Variants in CYB5R3 observed in about 807,000 individuals in gnomAD.
The protein encoded by CYB5R3 is NADH-cytochrome b5 reductase 3.
A neutral mutation model predicts 36.5 loss-of-function variants in CYB5R3; 28 were observed. That is an observed-to-expected ratio of 0.77 (90% CI 0.57 to 1.05). The LOEUF (loss-of-function observed/expected upper bound fraction) is 1.05. Among genes scored for constraint, CYB5R3 ranks in the 50% least tolerant of loss-of-function variants. CYB5R3 has a pLI of 0.00. For synonymous variants in CYB5R3, 181 were observed against 159.8 expected (o/e 1.13, Z -1.00); for missense variants, 474 against 408.9 (o/e 1.16, Z -1.37).
intron 8 of CYB5R3, among the ~76,000 whole-genome samples, chr22:42,622,466 G>C (rs1034184310): frequency 3.9e-5 from 6 of 152,284 alleles, no homozygotes; most frequent in African/African-American, 1.2e-4. Flanking sequence ...CGACCTGGAG[G>C]GGGTGGGCTG....
intron 1 of CYB5R3, chr22:42,644,518 G>T: frequency 7.3e-7 from 1 of 1,378,650 alleles, no homozygotes; most frequent in Non-Finnish European, 1.0e-6. Flanking sequence ...ATTCCTCAGA[G>T]CCTAGCTCAA....
At chr22:42,631,093 G>A in intron 3 of CYB5R3, 105 bp from the exon 4 acceptor site, 1 of 1,099,444 alleles carries the variant, frequency 9.1e-7, no homozygotes, top group South Asian at 1.3e-5. Flanking sequence ...TCAAAGCCTG[G>A]CCTGGCGTCA....
chr22:42,647,078 C>T, intron 1 of CYB5R3: 1 of 666,862 alleles, frequency 1.5e-6, no homozygotes, highest in African/African-American at 2.0e-5. Context: ...GATAAGACAC[C>T]TAGAGCACCA....
intron 1 of CYB5R3, chr22:42,644,661 C>A (rs539490354): frequency 1.0e-6 from 1 of 985,230 alleles, no homozygotes; most frequent in Non-Finnish European, 1.2e-6. Flanking sequence ...TCGACCTCTC[C>A]CTCAGTCACA....
At chr22:42,628,051 C>T (rs1004230406) in intron 5 of CYB5R3, 101 bp downstream of exon 5, 45 of 1,511,674 alleles carry the variant, frequency 3.0e-5, no homozygotes, top group Non-Finnish European at 3.9e-5. Flanking sequence ...GAGAGTCACC[C>T]ATCCACACAG....
At chr22:42,623,723 G>C in intron 8 of CYB5R3, 66 bp downstream of exon 8, 1 of 1,379,930 alleles carries the variant, frequency 7.2e-7, no homozygotes, top group South Asian at 1.2e-5. Context: ...GCCACAAACA[G>C]CTGGGCAAAG....
chr22:42,626,489 CCA>C (rs1928274662), intron 7 of CYB5R3, among the ~76,000 whole-genome samples: 1 of 152,132 alleles, frequency 6.6e-6, no homozygotes, highest in South Asian at 2.1e-4. Flanking sequence ...CTGACGGCCT[CCA>C]CAGACTCTGA....
chr22:42,619,332 C>T lies in CYB5R3; in HGVS notation c.*441G>A, dbSNP rs566229455. 2.5e-5 allele frequency: 5 copies of T among 197,484 alleles called. No homozygotes were observed. Among genetic ancestry groups the T allele is most frequent in the East Asian group, 2.5e-4 (2 of 7,998 alleles). The allele number at this position is 197,484 out of a possible 1,614,324, so 12.2% of individuals were successfully genotyped here. ...GTGAGGCCTGGGCCTGGCCCTGAGGCGGGAGTGGGGGTGACAGGCGAGGCT... is the reference window on the plus strand; with the variant it reads ...GTGAGGCCTGGGCCTGGCCCTGAGGTGGGAGTGGGGGTGACAGGCGAGGCT... On this transcript the variant is annotated 3_prime_UTR_variant, in exon 9 of 9. Coordinates refer to ENST00000352397, the MANE Select transcript of CYB5R3 (RefSeq NM_000398.7).
chr22:42,619,961 C>A lies in CYB5R3; in HGVS notation c.734-16G>T. 2 of 1,586,022 alleles carry A rather than the reference C, an allele frequency of 1.3e-6. No individual in the cohort carries two copies. Among genetic ancestry groups the A allele is most frequent in the African/African-American group, 1.3e-5 (1 of 74,380 alleles). On this transcript the variant is annotated splice_polypyrimidine_tract_variant and intron_variant, in intron 8 of 8. Transcript: ENST00000352397. ...TAGTCCCAGGCTGTGGGGTGAGAGA[C>A]CAGGTAAGCTGACGTGTGGCTGTGT...
chr22:42,646,452 C>T lies in CYB5R3; in HGVS notation c.21+2843G>A, dbSNP rs541490687. ...GGGCTGCGTAGCTCTGCTCCCCACA[C>T]ATAGAATGCCCTGCGCAGCTGCCCA... On this transcript the variant is annotated intron_variant, in intron 1 of 8. Coordinates refer to ENST00000352397, the MANE Select transcript of CYB5R3 (RefSeq NM_000398.7). Among the ~76,000 whole-genome samples the T allele has an allele frequency of 4.2e-4, 64 of 152,310 alleles. 3 individuals carry two copies. In the South Asian group the frequency reaches 0.013, roughly 31 times the overall value.
At chr22:42,625,175 G>A (rs551557627) in intron 7 of CYB5R3, among the ~76,000 whole-genome samples, 23 of 152,230 alleles carry the variant, frequency 1.5e-4, no homozygotes, top group Middle Eastern at 3.4e-3. Flanking sequence ...ATTTTTGTGT[G>A]CATCTTTTCA....
At chr22:42,631,661 G>T (rs1928629074) in intron 2 of CYB5R3, 1 of 616,866 alleles carries the variant, frequency 1.6e-6, no homozygotes. Context: ...CGCACGCTGG[G>T]TGTGTCTGTC....
intron 5 of CYB5R3, among the ~76,000 whole-genome samples, 165 bp downstream of exon 5, chr22:42,627,987 A>AC (rs932023966): frequency 2.0e-5 from 3 of 151,912 alleles, no homozygotes; most frequent in Non-Finnish European, 4.4e-5. Flanking sequence ...CCAGCAACTT[A>AC]CCCCCTCTAC....
intron 2 of CYB5R3, chr22:42,632,130 A>AC (rs1436573485): frequency 6.5e-6 from 1 of 153,426 alleles, no homozygotes. Flanking sequence ...TGAGACTAAA[A>AC]CCCCTGAGGT....
chr22:42,645,148 G>A (rs942152868), intron 1 of CYB5R3, among the ~76,000 whole-genome samples: 16 of 152,240 alleles, frequency 1.1e-4, no homozygotes, highest in African/African-American at 3.9e-4. Context: ...CCCGAATGCT[G>A]GCCTCCAACC....
At position 42,624,371 on chromosome 22, in the gene CYB5R3, T is replaced by G. The variant is rs189241161; in HGVS notation, c.634-483A>C. Among the ~76,000 whole-genome samples, 865 of 152,226 alleles carry G rather than the reference T, an allele frequency of 5.7e-3. 7 individuals carry two copies. The highest frequency in any genetic ancestry group is 0.02 in the Middle Eastern group (6 of 294). ...TTTGCGTTCTGGGATCTCATTCAGGTTGTACCTCCAGAAACCAGGAAGTAC... is the reference window on the plus strand; with the variant it reads ...TTTGCGTTCTGGGATCTCATTCAGGGTGTACCTCCAGAAACCAGGAAGTAC... On this transcript the variant is annotated intron_variant, in intron 7 of 8. Transcript: ENST00000352397.
intron 1 of CYB5R3, among the ~76,000 whole-genome samples, chr22:42,638,747 A>AAAAAAAAAAAAAC (rs1929054848): frequency 7.5e-6 from 1 of 132,994 alleles, no homozygotes; most frequent in Admixed American, 7.6e-5. Context: ...AAAAAAAAAA[A>AAAAAAAAAAAAAC]AAAGGCCGGG....
At chr22:42,638,086 A>C (rs1928994104) in intron 1 of CYB5R3, among the ~76,000 whole-genome samples, 1 of 151,442 alleles carries the variant, frequency 6.6e-6, no homozygotes, top group Non-Finnish European at 1.5e-5. Flanking sequence ...CCATCTCTAC[A>C]AAAAATATAA....
chr22:42,628,405 G>A (rs1036838054), intron 4 of CYB5R3, 124 bp from the exon 5 acceptor site: 20 of 1,207,638 alleles, frequency 1.7e-5, no homozygotes, highest in Admixed American at 3.5e-5. Context: ...GCCTTCTCCC[G>A]TGGAGCCCCA....
Sources: gnomAD v4.1 joint callset for allele counts (sites outside exome capture counted in the v4.1 genomes callset) on GRCh38, gnomAD v4.1.1 for gene constraint, MANE v1.5 for transcripts, NCBI Gene and HGNC (gene_info 2026-07-23, HGNC 2026-07-21) for gene names.